Variants in STK10 observed in about 807,000 individuals in gnomAD.
The protein encoded by STK10 is serine/threonine kinase 10.
In STK10, 78 loss-of-function variants were observed where a neutral mutation model predicts 113.8. That is an observed-to-expected ratio of 0.69 (90% CI 0.57 to 0.83). The LOEUF is 0.83. STK10 is among the 40% of genes least tolerant of loss of function. STK10 has a pLI of 0.00. For missense variants in STK10, 1,109 were observed against 1,280.1 expected (o/e 0.87, Z 2.04); for synonymous variants, 465 against 494.7 (o/e 0.94, Z 0.80).
At chr5:172,084,348 C>T (rs182708058) in intron 10 of STK10, among the ~76,000 whole-genome samples, 1,847 of 151,822 alleles carry the variant, frequency 0.012, 15 homozygotes, top group Non-Finnish European at 0.017. Flanking sequence ...TGCAGTGAGC[C>T]GAGATAGCGC....
intron 17 of STK10, 113 bp downstream of exon 17, chr5:172,054,456 C>T (rs992440134): frequency 2.5e-5 from 36 of 1,465,356 alleles, no homozygotes; most frequent in South Asian, 2.6e-5. Flanking sequence ...CCATCCCGGG[C>T]GTGTCTGATG....
intron 2 of STK10, among the ~76,000 whole-genome samples, chr5:172,129,568 C>T (rs779047331): frequency 7.2e-5 from 11 of 152,170 alleles, no homozygotes; most frequent in East Asian, 3.9e-4. Flanking sequence ...TTCATTCATT[C>T]GTCCATTCAT....
rs1357068992 is a variant in STK10 at position 172,073,484 on chromosome 5, G to C, written c.1990-8672C>G. On this transcript the variant is annotated intron_variant, in intron 12 of 18. Transcript: ENST00000176763. Reference sequence around the variant, plus strand: ...TAATTTTTTTTTTGTTTGTTTTAGAGACAGGGTTTCAGTATGTTGCCCAGG... The same window carrying C: ...TAATTTTTTTTTTGTTTGTTTTAGACACAGGGTTTCAGTATGTTGCCCAGG... 2.0e-5 allele frequency among the ~76,000 whole-genome samples: 3 copies of C among 151,274 alleles called. No homozygotes were observed. The East Asian group carries it at 5.9e-4, about 30-fold the overall frequency.
At chr5:172,118,458 G>T (rs1474586984) in intron 3 of STK10, among the ~76,000 whole-genome samples, 1 of 152,142 alleles carries the variant, frequency 6.6e-6, no homozygotes, top group Non-Finnish European at 1.5e-5. Flanking sequence ...ATAGCTGGGG[G>T]AACTGGAAGG....
At chr5:172,151,978 A>G (rs1453486480) in intron 2 of STK10, among the ~76,000 whole-genome samples, 3 of 152,254 alleles carry the variant, frequency 2.0e-5, no homozygotes, top group Non-Finnish European at 4.4e-5. Flanking sequence ...GCCCCCACAC[A>G]TTTGGAGGTC....
At chr5:172,049,432 G>A (rs1767578349) in intron 18 of STK10, among the ~76,000 whole-genome samples, 1 of 152,114 alleles carries the variant, frequency 6.6e-6, no homozygotes, top group Non-Finnish European at 1.5e-5. Flanking sequence ...TCCTGGCAAG[G>A]GGAACAGGCT....
intron 14 of STK10, 79 bp from the exon 15 acceptor site, chr5:172,057,552 T>C: frequency 6.6e-7 from 1 of 1,505,396 alleles, no homozygotes; most frequent in Non-Finnish European, 8.9e-7. Flanking sequence ...CACCTCTGCC[T>C]GGCCTCCTCA....
intron 1 of STK10, among the ~76,000 whole-genome samples, chr5:172,185,417 C>T (rs1256859772): frequency 1.1e-4 from 17 of 152,120 alleles, no homozygotes; most frequent in Admixed American, 1.0e-3. Context: ...TACGGGCATG[C>T]ATCACCATGC....
intron 3 of STK10, among the ~76,000 whole-genome samples, chr5:172,125,743 C>G (rs1769605765): frequency 1.3e-5 from 2 of 152,180 alleles, no homozygotes; most frequent in Admixed American, 1.3e-4. Context: ...TTTATGCTTG[C>G]AAAGTATGTA....
At chr5:172,175,045 T>C (rs570423809) in intron 1 of STK10, among the ~76,000 whole-genome samples, 1 of 152,290 alleles carries the variant, frequency 6.6e-6, no homozygotes, top group South Asian at 2.1e-4. Context: ...AGTCAGGGTC[T>C]TGCCCTGTCA....
At position 172,057,351 on chromosome 5, in the gene STK10, T is replaced by A; in HGVS notation, c.2335A>T (p.Lys779Ter). The change falls in exon 15 of 19, where the codon AAG (lysine) becomes TAG (stop). Residue 779 changes from lysine to a stop codon, truncating the protein, a stop_gained and splice_region_variant. Coordinates refer to ENST00000176763, the MANE Select transcript of STK10 (RefSeq NM_005990.4). LOFTEE classifies it high-confidence loss of function. ...QRHELLRKHEKEREQMQRYNQ... is the reference protein window; with the variant it reads ...QRHELLRKHE ...CCCCGTGCCACCGGCAGCCTCACCT[T>A]CTCATGCTTGCGCAGCAGCTCGTGC... The A allele has an allele frequency of 6.3e-7, 1 of 1,579,774 alleles. No individual in the cohort carries two copies. The highest frequency in any genetic ancestry group is 8.6e-7 in the Non-Finnish European group (1 of 1,163,364).
chr5:172,097,665 G>A (rs1053785956), intron 7 of STK10, among the ~76,000 whole-genome samples: 6 of 152,196 alleles, frequency 3.9e-5, no homozygotes, highest in African/African-American at 1.4e-4. Context: ...TGCTGCTGCT[G>A]GACATCTGGG....
At chr5:172,127,796 C>T (rs1769656946) in intron 2 of STK10, among the ~76,000 whole-genome samples, 1 of 152,228 alleles carries the variant, frequency 6.6e-6, no homozygotes, top group African/African-American at 2.4e-5. Context: ...CAGCCAAGAA[C>T]CTCAGGATGC....
chr5:172,118,878 C>CACAAAAAAAAA (rs1769443331), intron 3 of STK10, among the ~76,000 whole-genome samples: 1 of 71,310 alleles, frequency 1.4e-5, no homozygotes, highest in Non-Finnish European at 2.8e-5. Flanking sequence ...GACTCAGTCT[C>CACAAAAAAAAA]AAAAAAAAAA....
At chr5:172,185,823 A>G (rs1709076232) in intron 1 of STK10, among the ~76,000 whole-genome samples, 1 of 152,224 alleles carries the variant, frequency 6.6e-6, no homozygotes. Flanking sequence ...CGTGCTGAGG[A>G]CAGGGTGAGC....
chr5:172,174,852 C>G (rs191046518), intron 1 of STK10, among the ~76,000 whole-genome samples: 112 of 152,290 alleles, frequency 7.4e-4, no homozygotes, highest in African/African-American at 2.6e-3. Context: ...CCCAGAGGCA[C>G]CACTGGCCTC....
chr5:172,166,581 G>A (rs923412159), intron 1 of STK10, among the ~76,000 whole-genome samples: 2 of 152,176 alleles, frequency 1.3e-5, no homozygotes, highest in African/African-American at 4.8e-5. Context: ...TGGAAAACAC[G>A]TAGGACAGAG....
At chr5:172,070,785 G>A (rs1768161043) in intron 12 of STK10, among the ~76,000 whole-genome samples, 1 of 152,110 alleles carries the variant, frequency 6.6e-6, no homozygotes, top group Non-Finnish European at 1.5e-5. Context: ...ATACCAATAT[G>A]AGGGATGAAA....
Position 172,160,827 on chromosome 5 carries a change from T to C in STK10, c.157-4039A>G, listed in dbSNP as rs544659724. ...GTCCAGGTTTAGAGGGGAAATGTGA[T>C]TGGAACTAGGGGAGTGGCACCAGAA... On this transcript the variant is annotated intron_variant, in intron 1 of 18. Transcript: ENST00000176763. Among the ~76,000 whole-genome samples the C allele has an allele frequency of 5.8e-4, 88 of 152,240 alleles. No homozygotes were observed. The South Asian group carries it at 0.018, about 31-fold the overall frequency.
Sources: allele counts gnomAD v4.1 joint callset (sites outside exome capture counted in the v4.1 genomes callset), GRCh38; gene constraint gnomAD v4.1.1; transcripts MANE v1.5; gene names NCBI Gene and HGNC (gene_info 2026-07-23, HGNC 2026-07-21).